RNF212: variants seen among roughly 807,000 people sequenced by gnomAD.
The protein encoded by RNF212 is probable E3 SUMO-protein ligase RNF212.
A neutral mutation model predicts 34.7 loss-of-function variants in RNF212; 33 were observed. The observed-to-expected ratio is 0.95, with a 90% CI of 0.72 to 1.27. The LOEUF (loss-of-function observed/expected upper bound fraction) is 1.27. Among genes scored for constraint, RNF212 ranks in the 50% most tolerant of loss-of-function variants. The probability of loss-of-function intolerance (pLI) is 0.00; values close to 1 mark genes in which losing one functional copy is unlikely to be tolerated. For missense variants in RNF212, 377 were observed against 362.2 expected (o/e 1.04, Z -0.33); for synonymous variants, 140 against 136.1 (o/e 1.03, Z -0.20).
chr4:1,098,020 A>G (rs994191543), intron 2 of RNF212, among the ~76,000 whole-genome samples: 13 of 152,156 alleles, frequency 8.5e-5, no homozygotes, highest in African/African-American at 2.9e-4. Flanking sequence ...AGCCGAGATC[A>G]TGCCACTGCA....
intron 1 of RNF212, 51 bp from the exon 2 acceptor site, chr4:1,108,455 A>G (rs766536622): frequency 1.1e-6 from 1 of 892,538 alleles, no homozygotes; most frequent in Non-Finnish European, 1.7e-6. Flanking sequence ...CTACTTTTAA[A>G]TATGTATACA....
downstream of RNF212, among the ~76,000 whole-genome samples, chr4:1,067,330 G>T (rs1394312448): frequency 6.6e-6 from 1 of 152,008 alleles, no homozygotes; most frequent in East Asian, 1.9e-4. Flanking sequence ...AAAACAGCAA[G>T]ACAGCAGGCA....
intron 4 of RNF212, among the ~76,000 whole-genome samples, chr4:1,057,577 C>T (rs1457626285): frequency 1.3e-5 from 2 of 152,140 alleles, no homozygotes; most frequent in Non-Finnish European, 2.9e-5. Context: ...CACTGCCTGC[C>T]CCGGCCTTCT....
intron 3 of RNF212, among the ~76,000 whole-genome samples, chr4:1,091,686 A>C (rs922612157): frequency 6.6e-6 from 1 of 152,206 alleles, no homozygotes; most frequent in African/African-American, 2.4e-5. Flanking sequence ...AGACAGGCCC[A>C]GCACATGCCA....
intron 4 of RNF212, 80 bp from the exon 5 acceptor site, chr4:1,086,034 G>T: frequency 9.7e-7 from 1 of 1,035,346 alleles, no homozygotes; most frequent in East Asian, 2.4e-5. Flanking sequence ...CTTAAACCTT[G>T]AATCAGAATG....
chr4:1,109,189 G>C (rs936409665), intron 1 of RNF212, among the ~76,000 whole-genome samples: 2 of 152,008 alleles, frequency 1.3e-5, no homozygotes, highest in African/African-American at 4.8e-5. Context: ...TGTATTTTTA[G>C]TAGAGACAGG....
At chr4:1,108,427 A>G in intron 1 of RNF212, 23 bp from the exon 2 acceptor site, 4 of 1,305,132 alleles carry the variant, frequency 3.1e-6, no homozygotes, top group Non-Finnish European at 3.1e-6. Context: ...AATAGGCTTT[A>G]TTATATTAGA....
At chr4:1,103,289 T>C (rs868448180) in intron 2 of RNF212, among the ~76,000 whole-genome samples, 8 of 152,328 alleles carry the variant, frequency 5.3e-5, no homozygotes, top group African/African-American at 9.6e-5. Context: ...TGGGCCTAAA[T>C]AGTGTCACTC....
chr4:1,099,665 G>C, intron 2 of RNF212: 1 of 442,426 alleles, frequency 2.3e-6, no homozygotes, highest in Non-Finnish European at 4.6e-6. Context: ...TTAAAAGGGG[G>C]GTGTGTGCGC....
At chr4:1,074,276 G>A (rs1718917467) in intron 8 of RNF212, among the ~76,000 whole-genome samples, 1 of 152,178 alleles carries the variant, frequency 6.6e-6, no homozygotes, top group Non-Finnish European at 1.5e-5. Context: ...GCATGGCAAG[G>A]TGCTACTTCT....
At chr4:1,083,603 A>C (rs908503168) in intron 5 of RNF212, among the ~76,000 whole-genome samples, 1 of 151,852 alleles carries the variant, frequency 6.6e-6, no homozygotes, top group Admixed American at 6.6e-5. Flanking sequence ...GTGCCACTGT[A>C]CTCCAGCCTG....
chr4:1,060,898 C>T (rs1322704429), intron 3 of RNF212, among the ~76,000 whole-genome samples: 1 of 152,216 alleles, frequency 6.6e-6, no homozygotes, highest in Non-Finnish European at 1.5e-5. Flanking sequence ...TGCCGTTCAA[C>T]AACTCATTCA....
At chr4:1,067,483 T>C (rs1577623604), downstream of RNF212, among the ~76,000 whole-genome samples, 2 of 151,796 alleles carry the variant, frequency 1.3e-5, no homozygotes, top group African/African-American at 4.8e-5. Flanking sequence ...CACAGGCAGG[T>C]TGAAAATAAA....
chr4:1,105,868 C>A (rs978004505), intron 2 of RNF212, among the ~76,000 whole-genome samples: 8 of 152,206 alleles, frequency 5.3e-5, no homozygotes, highest in African/African-American at 1.9e-4. Flanking sequence ...GGAGGACATT[C>A]CAGTCAGAGG....
downstream of RNF212, among the ~76,000 whole-genome samples, chr4:1,068,048 C>G (rs575749222): frequency 7.1e-6 from 1 of 140,238 alleles, no homozygotes; most frequent in African/African-American, 2.5e-5. Context: ...TCTCCCCACA[C>G]CGATGTAGAG....
chr4:1,058,016 G>A (rs11727136), intron 4 of RNF212, among the ~76,000 whole-genome samples: 122,475 of 151,470 alleles, frequency 0.81, 50,233 homozygotes, highest in African/African-American at 0.94. Flanking sequence ...AGCCAAGATG[G>A]TGCTACTGCA....
At position 1,073,145 on chromosome 4, in the gene RNF212, G is replaced by C. The variant is rs1718709615; in HGVS notation, c.623C>G (p.Ser208Cys). Reference protein sequence around the residue: ...SFCFIPWLTLSKPPVPGECVI... With the variant: ...SFCFIPWLTLCKPPVPGECVI... ...ACACTCTCCGGGCACAGGGGGCTTA[G>C]ACAAGGTCAACCATGGGATGAAACA... Residue 208 changes from serine to cysteine, a missense_variant, in exon 10 of 10, where the codon TCT becomes TGT. Ser to Cys is a moderately radical substitution (Grantham distance 112). Transcript: ENST00000433731. 2 of 1,614,202 alleles carry C rather than the reference G, an allele frequency of 1.2e-6. No individual in the cohort carries two copies. Among genetic ancestry groups the C allele is most frequent in the Middle Eastern group, 1.6e-4 (1 of 6,062 alleles).
intron 8 of RNF212, among the ~76,000 whole-genome samples, chr4:1,074,912 T>TC (rs1719032116): frequency 2.0e-5 from 1 of 49,982 alleles, no homozygotes; most frequent in Non-Finnish European, 3.8e-5. Context: ...CATTTCTGGA[T>TC]CCTTCCATCC....
rs1199017878 is a variant in RNF212 at position 1,090,833 on chromosome 4, T to C, written c.252A>G (p.Leu84=). Residue 84 remains leucine (L), a synonymous_variant, in exon 4 of 10, where the codon TTA becomes TTG. Transcript: ENST00000433731. ...TCTTCCTGTGTTTTTCTTGAAATTC[T>C]AAAATCTGAAAAGATCATAGGTTTC... The part of the protein sequence containing the change: ...KKYSRETSQI[L]EFQEKHRKRL... 3 of 1,587,366 alleles carry C rather than the reference T, an allele frequency of 1.9e-6. No homozygotes were observed. The highest frequency in any genetic ancestry group is 2.6e-6 in the Non-Finnish European group (3 of 1,156,592).
Sources: gnomAD v4.1 joint callset for allele counts (sites outside exome capture counted in the v4.1 genomes callset) on GRCh38, gnomAD v4.1.1 for gene constraint, MANE v1.5 for transcripts, NCBI Gene and HGNC (gene_info 2026-07-23, HGNC 2026-07-21) for gene names.